Variants in RAB5C observed in about 807,000 individuals in gnomAD.
RAB5C encodes RAB5C, member RAS oncogene family, also known as ras-related protein Rab-5C.
RAB5C carries 4 observed loss-of-function variants against 25.2 expected under a neutral mutation model. The ratio of observed to expected loss-of-function variants is 0.16; its 90% confidence interval spans 0.08 to 0.36. RAB5C has a LOEUF of 0.36. RAB5C is among the 10% of genes least tolerant of loss of function. The pLI, the probability that RAB5C is intolerant of heterozygous loss-of-function variation, is 1.00. For missense variants in RAB5C, 199 were observed against 283.8 expected (o/e 0.70, Z 2.15); for synonymous variants, 100 against 106.4 (o/e 0.94, Z 0.37).
At chr17:42,147,575 T>C (rs1240108855) in intron 1 of RAB5C, among the ~76,000 whole-genome samples, 1 of 152,158 alleles carries the variant, frequency 6.6e-6, no homozygotes, top group Non-Finnish European at 1.5e-5. Context: ...AAATGGAGAT[T>C]TGGAGAGTCT....
chr17:42,125,861 A>G lies in RAB5C; in HGVS notation c.573T>C (p.Thr191=). The G allele has an allele frequency of 6.2e-7, 1 of 1,612,028 alleles. No homozygotes were observed. Among genetic ancestry groups the G allele is most frequent in the Non-Finnish European group, 8.5e-7 (1 of 1,179,242 alleles). ...KLPKNEPQNA[T]GAPGRNRGVD... ...CACCTCGGTTTCGGCCTGGAGCACC[A>G]GTTGCATTCTGGGGCTCGTTCTTGG... The change falls in exon 6 of 6, where the codon ACT becomes ACC. Residue 191 remains threonine (T), a synonymous_variant. Coordinates refer to ENST00000346213, the MANE Select transcript of RAB5C (RefSeq NM_004583.4).
At chr17:42,128,944 C>CCTG in intron 2 of RAB5C, 144 bp from the exon 3 acceptor site, 2 of 763,826 alleles carry the variant, frequency 2.6e-6, no homozygotes, top group Non-Finnish European at 3.6e-6. Context: ...CCAAAGCAGG[C>CCTG]CTGAGTGGGG....
intron 4 of RAB5C, among the ~76,000 whole-genome samples, chr17:42,127,749 G>A (rs1225792029): frequency 2.7e-5 from 4 of 150,516 alleles, no homozygotes; most frequent in African/African-American, 4.9e-5. Context: ...TGCTGGTCTC[G>A]AACTCCTAAG....
At chr17:42,144,182 C>G (rs374446833) in intron 1 of RAB5C, among the ~76,000 whole-genome samples, 2 of 152,270 alleles carry the variant, frequency 1.3e-5, no homozygotes, top group African/African-American at 4.8e-5. Flanking sequence ...ATAGGCCAGG[C>G]GCAGTGGCTC....
intron 1 of RAB5C, chr17:42,136,341 A>G (rs2054536144): frequency 6.6e-6 from 1 of 152,270 alleles, no homozygotes; most frequent in African/African-American, 2.4e-5. Context: ...ACAGACTCAC[A>G]GCAGGACTAT....
At chr17:42,146,407 A>C (rs1441674589) in intron 1 of RAB5C, among the ~76,000 whole-genome samples, 1 of 152,206 alleles carries the variant, frequency 6.6e-6, no homozygotes, top group East Asian at 1.9e-4. Flanking sequence ...ATTCTGAAAG[A>C]ATAAGTTTAT....
intron 1 of RAB5C, among the ~76,000 whole-genome samples, chr17:42,146,687 TG>T (rs2079637006): frequency 6.7e-6 from 1 of 149,172 alleles, no homozygotes; most frequent in Non-Finnish European, 1.5e-5. Context: ...AGACGGAGGT[TG>T]CAGTGAGCCA....
chr17:42,138,480 C>T (rs1038677545), intron 1 of RAB5C, among the ~76,000 whole-genome samples: 7 of 152,160 alleles, frequency 4.6e-5, no homozygotes, highest in African/African-American at 1.7e-4. Context: ...GAAGGTGCTG[C>T]CTTTCCACAG....
Position 42,126,859 on chromosome 17 carries a change from T to TGGAGGTGAGA in RAB5C, c.442-21_442-12dup. ...ATAGGCTTGTGCTTCCTGGTTTGGA[T>TGGAGGTGAGA]GGAGGTGAGAGGAGGTGAGAGGGAA... On this transcript the variant is annotated splice_polypyrimidine_tract_variant and intron_variant, in intron 4 of 5. Coordinates refer to ENST00000346213, the MANE Select transcript of RAB5C (RefSeq NM_004583.4). The TGGAGGTGAGA allele has an allele frequency of 1.9e-6, 3 of 1,595,342 alleles. No homozygotes were observed. Among genetic ancestry groups the TGGAGGTGAGA allele is most frequent in the Non-Finnish European group, 2.6e-6 (3 of 1,164,010 alleles).
intron 4 of RAB5C, 59 bp downstream of exon 4, chr17:42,128,202 G>C: frequency 1.9e-6 from 3 of 1,569,648 alleles, no homozygotes; most frequent in Non-Finnish European, 2.6e-6. Flanking sequence ...GAGCATCCCA[G>C]GCGAGGCCGG....
chr17:42,146,391 A>C (rs1055184873), intron 1 of RAB5C, among the ~76,000 whole-genome samples: 1 of 152,216 alleles, frequency 6.6e-6, no homozygotes, highest in Admixed American at 6.5e-5. Flanking sequence ...TAACTTTTCT[A>C]AAAGTATTCT....
intron 1 of RAB5C, among the ~76,000 whole-genome samples, chr17:42,137,292 C>T (rs1190111952): frequency 2.1e-5 from 3 of 145,476 alleles, no homozygotes; most frequent in African/African-American, 5.1e-5. Context: ...GACAACAGAG[C>T]GAGACACTGT....
intron 1 of RAB5C, among the ~76,000 whole-genome samples, chr17:42,148,436 A>ATTT (rs1568025572): frequency 5.4e-5 from 8 of 147,180 alleles, no homozygotes; most frequent in Non-Finnish European, 1.2e-4. Context: ...AGAAGTGGGC[A>ATTT]GGTGTTTGGT....
intron 1 of RAB5C, among the ~76,000 whole-genome samples, chr17:42,145,963 T>C (rs1366930707): frequency 6.6e-6 from 1 of 152,120 alleles, no homozygotes; most frequent in Non-Finnish European, 1.5e-5. Context: ...CGTACCACCA[T>C]GCCTGGCTAA....
intron 4 of RAB5C, among the ~76,000 whole-genome samples, chr17:42,127,884 T>C (rs1288800538): frequency 1.3e-5 from 2 of 151,168 alleles, no homozygotes; most frequent in Non-Finnish European, 2.9e-5. Flanking sequence ...TGGAGTGCAG[T>C]GTTGCAATCA....
intron 2 of RAB5C, chr17:42,130,029 A>G: frequency 3.5e-6 from 1 of 284,882 alleles, no homozygotes; most frequent in East Asian, 6.4e-5. Context: ...ATCCAGAGTC[A>G]GCTCTCCCTC....
In RAB5C at chr17:42,125,842, G is replaced by A; in HGVS notation, c.592C>T (p.Arg198Ter). Reference sequence around the variant, plus strand: ...TTGTTCTCCTGGAGGTCCACACCTCGGTTTCGGCCTGGAGCACCAGTTGCA... The same window carrying A: ...TTGTTCTCCTGGAGGTCCACACCTCAGTTTCGGCCTGGAGCACCAGTTGCA... The part of the protein sequence containing the change: ...QNATGAPGRN[R>*]GVDLQENNPA... Residue 198 changes from arginine (R) to a stop codon, truncating the protein, a stop_gained, in exon 6 of 6, where the codon CGA becomes TGA. Transcript: ENST00000346213. LOFTEE classifies it high-confidence loss of function. The A allele has an allele frequency of 6.2e-7, 1 of 1,611,884 alleles. No individual in the cohort carries two copies. The highest frequency in any genetic ancestry group is 8.5e-7 in the Non-Finnish European group (1 of 1,179,224).
intron 1 of RAB5C, among the ~76,000 whole-genome samples, chr17:42,137,474 G>T (rs1234879031): frequency 6.6e-6 from 1 of 152,158 alleles, no homozygotes; most frequent in Non-Finnish European, 1.5e-5. Context: ...AAAAAATGCT[G>T]CTGGTATAGA....
At chr17:42,128,526 AAT>A in intron 3 of RAB5C, 121 bp downstream of exon 3, 7 of 865,292 alleles carry the variant, frequency 8.1e-6, no homozygotes, top group East Asian at 4.0e-5. Context: ...CCAAACAGGA[AAT>A]CTGCCCACCC....
Sources: allele counts gnomAD v4.1 joint callset (sites outside exome capture counted in the v4.1 genomes callset), GRCh38; gene constraint gnomAD v4.1.1; transcripts MANE v1.5; gene names NCBI Gene and HGNC (gene_info 2026-07-23, HGNC 2026-07-21).